The following SLC25A21 variants were observed in gnomAD, a reference collection of about 807,000 sequenced individuals.
The protein encoded by SLC25A21 is mitochondrial 2-oxodicarboxylate carrier.
A neutral mutation model predicts 43.8 loss-of-function variants in SLC25A21; 47 were observed. The observed-to-expected ratio is 1.07, with a 90% CI of 0.85 to 1.37. SLC25A21 has a LOEUF of 1.37. SLC25A21 is among the 40% of genes most tolerant of loss of function. The probability of loss-of-function intolerance (pLI) is 0.00; values close to 1 mark genes in which losing one functional copy is unlikely to be tolerated. For missense variants in SLC25A21, 352 were observed against 350.2 expected (o/e 1.00, Z -0.04); for synonymous variants, 131 against 121.3 (o/e 1.08, Z -0.52).
At chr14:36,844,819 T>C (rs1889492673) in intron 2 of SLC25A21, among the ~76,000 whole-genome samples, 1 of 152,208 alleles carries the variant, frequency 6.6e-6, no homozygotes, top group South Asian at 2.1e-4. Context: ...TGAATGCTGG[T>C]CATTTTTAAT....
intron 7 of SLC25A21, among the ~76,000 whole-genome samples, chr14:36,701,164 T>C (rs1243389197): frequency 6.6e-6 from 1 of 152,238 alleles, no homozygotes; most frequent in Non-Finnish European, 1.5e-5. Context: ...CCCAATGTCA[T>C]GGTATCCTGC....
rs564202607 is a variant in SLC25A21, at chr14:36,897,424, G to A, written c.71-22420C>T. Among the ~76,000 whole-genome samples the A allele has an allele frequency of 1.9e-3, 288 of 152,186 alleles. 1 individual carries two copies. Among genetic ancestry groups the A allele is most frequent in the African/African-American group, 6.4e-3 (266 of 41,534 alleles). On this transcript the variant is annotated intron_variant, in intron 1 of 9. Transcript: ENST00000331299. Reference sequence around the variant, plus strand: ...GGACTTCTCTGCATTGGTTATTCTAGTTAGCCATTCGTCTAATTTTTTTTC... The same window carrying A: ...GGACTTCTCTGCATTGGTTATTCTAATTAGCCATTCGTCTAATTTTTTTTC...
chr14:37,103,346 C>T (rs1192887572), intron 1 of SLC25A21, among the ~76,000 whole-genome samples: 2 of 152,128 alleles, frequency 1.3e-5, no homozygotes, highest in Non-Finnish European at 2.9e-5. Context: ...TCTTAACTTA[C>T]TGAGGAATTC....
chr14:36,926,039 T>C (rs1303954070), intron 1 of SLC25A21, among the ~76,000 whole-genome samples: 3 of 152,132 alleles, frequency 2.0e-5, no homozygotes, highest in African/African-American at 7.2e-5. Context: ...TTCCACTCAA[T>C]AGTTGCAGAA....
At chr14:36,870,824 T>C (rs1890348652) in intron 2 of SLC25A21, 1 of 152,128 alleles carries the variant, frequency 6.6e-6, no homozygotes, top group South Asian at 2.1e-4. Flanking sequence ...GGAATGATGT[T>C]CATGCTTATA....
At chr14:37,118,607 C>T (rs1262901924) in intron 1 of SLC25A21, among the ~76,000 whole-genome samples, 1 of 152,118 alleles carries the variant, frequency 6.6e-6, no homozygotes, top group Non-Finnish European at 1.5e-5. Flanking sequence ...AATAGTCCAA[C>T]TTATTTTTCT....
At chr14:37,135,177 C>T (rs1201098410) in intron 1 of SLC25A21, among the ~76,000 whole-genome samples, 1 of 152,184 alleles carries the variant, frequency 6.6e-6, no homozygotes, top group Non-Finnish European at 1.5e-5. Flanking sequence ...ATCCACCCAC[C>T]TTGGCCTCCC....
chr14:37,107,601 C>A (rs1406106635), intron 1 of SLC25A21, among the ~76,000 whole-genome samples: 1 of 152,084 alleles, frequency 6.6e-6, no homozygotes. Flanking sequence ...GTGTTAGGCA[C>A]TGTTCCAAGC....
chr14:37,041,800 C>G (rs1382450558), intron 1 of SLC25A21, among the ~76,000 whole-genome samples: 2 of 152,152 alleles, frequency 1.3e-5, no homozygotes, highest in African/African-American at 4.8e-5. Flanking sequence ...AAGGTGGATA[C>G]ATTTTTGCTT....
At chr14:36,755,723 C>A (rs578132409) in intron 3 of SLC25A21, among the ~76,000 whole-genome samples, 1 of 152,210 alleles carries the variant, frequency 6.6e-6, no homozygotes, top group East Asian at 1.9e-4. Context: ...TAAGAGGAAT[C>A]AAAAACAGAT....
At chr14:36,720,993 C>T (rs8009041) in intron 6 of SLC25A21, among the ~76,000 whole-genome samples, 79,315 of 151,998 alleles carry the variant, frequency 0.52, 20,665 homozygotes, top group South Asian at 0.63. Context: ...GTGAGCTGTG[C>T]TGGTGCCCAC....
intron 3 of SLC25A21, among the ~76,000 whole-genome samples, chr14:36,809,572 T>G (rs1041403700): frequency 1.3e-5 from 2 of 152,150 alleles, no homozygotes; most frequent in African/African-American, 2.4e-5. Context: ...GGTTGAGCTA[T>G]TGTCTCTTGA....
chr14:36,722,359 T>A (rs544183656), intron 6 of SLC25A21, among the ~76,000 whole-genome samples: 1 of 152,300 alleles, frequency 6.6e-6, no homozygotes, highest in Admixed American at 6.5e-5. Flanking sequence ...ATGGTGAATA[T>A]ATGTCATTAT....
At chr14:37,169,223 T>C (rs1964080834) in intron 1 of SLC25A21, among the ~76,000 whole-genome samples, 1 of 152,110 alleles carries the variant, frequency 6.6e-6, no homozygotes, top group East Asian at 1.9e-4. Flanking sequence ...GCTGTCTGTA[T>C]AACTAATAAA....
chr14:36,881,211 A>G (rs574751122), intron 1 of SLC25A21, among the ~76,000 whole-genome samples: 67 of 152,340 alleles, frequency 4.4e-4, no homozygotes, highest in Non-Finnish European at 8.7e-4. Context: ...CTAACGACAG[A>G]AAACACAGAT....
At chr14:36,717,917 G>A (rs1884213103) in intron 6 of SLC25A21, among the ~76,000 whole-genome samples, 1 of 152,160 alleles carries the variant, frequency 6.6e-6, no homozygotes, top group African/African-American at 2.4e-5. Flanking sequence ...AAATGGAAGG[G>A]TTCACAGTGG....
At chr14:36,784,143 A>G (rs1055455446) in intron 3 of SLC25A21, among the ~76,000 whole-genome samples, 2 of 152,258 alleles carry the variant, frequency 1.3e-5, no homozygotes, top group African/African-American at 4.8e-5. Flanking sequence ...CAGGCACCAT[A>G]GATGACTTCT....
intron 1 of SLC25A21, among the ~76,000 whole-genome samples, chr14:36,922,914 T>G (rs1892021554): frequency 6.6e-6 from 1 of 151,990 alleles, no homozygotes; most frequent in Non-Finnish European, 1.5e-5. Flanking sequence ...CCTCAACAAG[T>G]AAAATTTACA....
chr14:36,855,389 C>A (rs1889867685), intron 2 of SLC25A21, among the ~76,000 whole-genome samples: 1 of 152,032 alleles, frequency 6.6e-6, no homozygotes, highest in South Asian at 2.1e-4. Flanking sequence ...GAAAAAGAGG[C>A]AATGACACTG....
Sources: gnomAD v4.1 joint callset for allele counts (sites outside exome capture counted in the v4.1 genomes callset) on GRCh38, gnomAD v4.1.1 for gene constraint, MANE v1.5 for transcripts, NCBI Gene and HGNC (gene_info 2026-07-23, HGNC 2026-07-21) for gene names.